Variants in OLA1 observed in about 807,000 individuals in gnomAD.
The protein encoded by OLA1 is Obg like ATPase 1.
In OLA1, 14 loss-of-function variants were observed where a neutral mutation model predicts 48.4. The observed-to-expected ratio is 0.29, with a 90% CI of 0.19 to 0.45. OLA1 has a LOEUF of 0.45. OLA1 is among the 20% of genes least tolerant of loss of function. OLA1 has a pLI of 1.00. For missense variants in OLA1, 325 were observed against 467.1 expected (o/e 0.70, Z 2.80); for synonymous variants, 127 against 150.4 (o/e 0.84, Z 1.14).
intron 5 of OLA1, among the ~76,000 whole-genome samples, chr2:174,127,982 A>G (rs987283736): frequency 6.6e-6 from 1 of 151,950 alleles, no homozygotes; most frequent in African/African-American, 2.4e-5. Flanking sequence ...CTCGAGGGTA[A>G]AAAAATGTTT....
At position 174,073,153 on chromosome 2, in the gene OLA1, C is replaced by T. The variant is rs1344063164; in HGVS notation, c.*2273G>A. On this transcript the variant is annotated 3_prime_UTR_variant, in exon 11 of 11. Coordinates refer to ENST00000284719, the MANE Select transcript of OLA1 (RefSeq NM_013341.5). ...TACAGGTGTGTGCCATGATGCCCAG[C>T]TAATTTTTGTATATATGTATTTTTT... The T allele has an allele frequency of 3.3e-5, 5 of 152,108 alleles. No individual in the cohort carries two copies. Among genetic ancestry groups the T allele is most frequent in the Non-Finnish European group, 7.4e-5 (5 of 68,014 alleles). 9.4% of individuals were successfully genotyped at this position (152,108 alleles called of 1,614,324 possible). A position where few individuals can be genotyped will look rare whatever the true frequency, so the allele number is the denominator to read the frequency against.
intron 4 of OLA1, among the ~76,000 whole-genome samples, chr2:174,193,091 C>CTTTTTTTT (rs34103927): frequency 7.2e-6 from 1 of 137,934 alleles, no homozygotes. Context: ...TTCTTTCTTT[C>CTTTTTTTT]TTTTTTTTTT....
intron 10 of OLA1, among the ~76,000 whole-genome samples, chr2:174,078,750 C>T (rs1291779610): frequency 6.6e-6 from 1 of 151,814 alleles, no homozygotes; most frequent in East Asian, 1.9e-4. Flanking sequence ...AAAACCTCCA[C>T]AAAACTACTG....
chr2:174,140,025 C>T (rs1175567045), intron 5 of OLA1, among the ~76,000 whole-genome samples: 1 of 151,962 alleles, frequency 6.6e-6, no homozygotes, highest in Non-Finnish European at 1.5e-5. Flanking sequence ...CGCTTATTGA[C>T]ATAAAAATAC....
intron 4 of OLA1, among the ~76,000 whole-genome samples, chr2:174,176,487 G>A (rs1182591959): frequency 1.3e-5 from 2 of 152,046 alleles, no homozygotes; most frequent in Admixed American, 1.3e-4. Context: ...TCACAAATAT[G>A]CATAATAAAA....
intron 4 of OLA1, among the ~76,000 whole-genome samples, chr2:174,156,708 C>T (rs975150481): frequency 1.4e-4 from 21 of 151,506 alleles, no homozygotes; most frequent in African/African-American, 5.1e-4. Context: ...CCTCAGCCTC[C>T]GGAGTAGCTG....
At chr2:174,212,866 C>A in intron 4 of OLA1, among the ~76,000 whole-genome samples, 1 of 152,180 alleles carries the variant, frequency 6.6e-6, no homozygotes, top group Admixed American at 6.5e-5. Context: ...CCTATGATAA[C>A]AATGGCTTCT....
intron 4 of OLA1, among the ~76,000 whole-genome samples, chr2:174,220,251 T>A (rs1688470878): frequency 6.6e-6 from 1 of 152,208 alleles, no homozygotes; most frequent in African/African-American, 2.4e-5. Flanking sequence ...CTACTCCTCA[T>A]CATTCATTCT....
intron 4 of OLA1, among the ~76,000 whole-genome samples, chr2:174,142,641 C>A (rs1255460178): frequency 2.0e-5 from 3 of 152,146 alleles, no homozygotes; most frequent in African/African-American, 7.2e-5. Flanking sequence ...GCTATTATCA[C>A]ATATTTAAAG....
chr2:174,198,275 A>C (rs1687922969), intron 4 of OLA1, among the ~76,000 whole-genome samples: 1 of 152,174 alleles, frequency 6.6e-6, no homozygotes, highest in Non-Finnish European at 1.5e-5. Context: ...ATAAAATTTT[A>C]TATGCAATGC....
At chr2:174,144,930 TAAAAAA>T (rs71021671) in intron 4 of OLA1, among the ~76,000 whole-genome samples, 18 of 41,112 alleles carry the variant, frequency 4.4e-4, no homozygotes, top group African/African-American at 5.4e-4. Context: ...AGACCCTGTT[TAAAAAA>T]AAAAAAAAAA....
chr2:174,244,271 G>C (rs988134988), intron 2 of OLA1, among the ~76,000 whole-genome samples: 15 of 152,152 alleles, frequency 9.9e-5, no homozygotes, highest in African/African-American at 3.1e-4. Flanking sequence ...TACAATTGCC[G>C]AAACTCATTA....
chr2:174,119,649 T>C (rs1685865070), intron 7 of OLA1, among the ~76,000 whole-genome samples: 1 of 152,118 alleles, frequency 6.6e-6, no homozygotes, highest in East Asian at 1.9e-4. Flanking sequence ...AAACTATTTT[T>C]AGTTGTTATG....
intron 5 of OLA1, among the ~76,000 whole-genome samples, chr2:174,136,387 GC>G (rs1447591790): frequency 1.3e-5 from 2 of 152,188 alleles, no homozygotes; most frequent in Non-Finnish European, 2.9e-5. Context: ...AATATTCACA[GC>G]ATCTTCACCA....
chr2:174,097,233 G>A (rs1346261331), intron 7 of OLA1, among the ~76,000 whole-genome samples: 1 of 152,162 alleles, frequency 6.6e-6, no homozygotes, highest in Non-Finnish European at 1.5e-5. Flanking sequence ...AATATTTATA[G>A]ATAGGGAGGT....
At chr2:174,125,050 T>C (rs1686015827) in intron 5 of OLA1, among the ~76,000 whole-genome samples, 1 of 152,194 alleles carries the variant, frequency 6.6e-6, no homozygotes, top group African/African-American at 2.4e-5. Flanking sequence ...TAAAAGTGGC[T>C]AATGTAACAC....
intron 10 of OLA1, among the ~76,000 whole-genome samples, chr2:174,078,592 T>C (rs1684797816): frequency 1.3e-5 from 2 of 151,992 alleles, no homozygotes; most frequent in South Asian, 4.1e-4. Flanking sequence ...TTTCTATCTC[T>C]ATTCTTGAAG....
intron 2 of OLA1, among the ~76,000 whole-genome samples, chr2:174,233,272 C>T (rs1050582019): frequency 1.3e-5 from 2 of 151,880 alleles, no homozygotes; most frequent in African/African-American, 2.4e-5. Flanking sequence ...GTTTCAGTTA[C>T]GCAAGATGAA....
intron 4 of OLA1, among the ~76,000 whole-genome samples, chr2:174,180,412 T>C (rs927973869): frequency 6.6e-6 from 1 of 152,162 alleles, no homozygotes; most frequent in Non-Finnish European, 1.5e-5. Flanking sequence ...ATAATCTGAG[T>C]ACAAATTTGT....
Sources: gnomAD v4.1 joint callset for allele counts (sites outside exome capture counted in the v4.1 genomes callset) on GRCh38, gnomAD v4.1.1 for gene constraint, MANE v1.5 for transcripts, NCBI Gene and HGNC (gene_info 2026-07-23, HGNC 2026-07-21) for gene names.